PPAT: variants seen among roughly 807,000 people sequenced by gnomAD.
PPAT encodes the protein amidophosphoribosyltransferase.
PPAT carries 20 observed loss-of-function variants against 60.2 expected under a neutral mutation model. That is an observed-to-expected ratio of 0.33 (90% CI 0.23 to 0.48). PPAT has a LOEUF of 0.48. PPAT is among the 20% of genes least tolerant of loss of function. PPAT has a pLI of 0.99. For synonymous variants in PPAT, 194 were observed against 215.1 expected (o/e 0.90, Z 0.86); for missense variants, 349 against 629.6 (o/e 0.55, Z 4.77).
chr4:56,419,723 C>T, intron 1 of PPAT: 1 of 982,210 alleles, frequency 1.0e-6, no homozygotes, highest in Non-Finnish European at 1.2e-6. Context: ...CTCTAATAGA[C>T]ATCTGGTCTG....
chr4:56,395,543 T>G lies in PPAT; in HGVS notation c.1363A>C (p.Asn455His). The G allele has an allele frequency of 6.5e-7, 1 of 1,541,854 alleles. No homozygotes were observed. Among genetic ancestry groups the G allele is most frequent in the Non-Finnish European group, 8.7e-7 (1 of 1,152,162 alleles). ...FDHLAEYLGA[N>H]SVVYLSVEGL... ...TCTACTGACAGATACACAACACTGT[T>G]TGCTCCTAAAGAAAGAGGGAAAAAT... The change falls in exon 11 of 11, where the codon AAC becomes CAC. Residue 455 changes from asparagine to histidine, a missense_variant. Asn to His is a moderately conservative substitution (Grantham distance 68). Around this residue, in one of 5 missense-constraint regions of PPAT, gnomAD observed 167 missense variants for 328.6 expected, o/e 0.51. Coordinates refer to ENST00000264220, the MANE Select transcript of PPAT (RefSeq NM_002703.5).
chr4:56,403,314 C>A lies in PPAT; in HGVS notation c.490G>T (p.Asp164Tyr). 1 of 1,613,794 alleles carries A rather than the reference C, an allele frequency of 6.2e-7. No homozygotes were observed. The highest frequency in any genetic ancestry group is 8.5e-7 in the Non-Finnish European group (1 of 1,179,686). Residue 164 changes from aspartate (D) to tyrosine (Y), a missense_variant, in exon 4 of 11, where the codon GAT becomes TAT. By Grantham distance (160) the Asp-to-Tyr change is radical. Coordinates refer to ENST00000264220, the MANE Select transcript of PPAT (RefSeq NM_002703.5). The part of the protein sequence containing the change: ...LLAYTPPQEQ[D>Y]DTPDWVARIK... Reference sequence around the variant, plus strand: ...CTGGCTACCCAGTCTGGGGTGTCATCTTGTTCCTGAGGAGGGGTATACGCC... The same window carrying A: ...CTGGCTACCCAGTCTGGGGTGTCATATTGTTCCTGAGGAGGGGTATACGCC...
Position 56,406,583 on chromosome 4 carries a change from CA to C in PPAT, c.313del (p.Cys105ValfsTer13). On this transcript the variant is annotated frameshift_variant, in exon 3 of 11. Transcript: ENST00000264220. LOFTEE classifies it high-confidence loss of function. ...ATTGKCELEN[C>X]QPFVVETLHG... ...AAGTGTTTCAACAACGAAGGGCTGA[CA>C]ATTTTCTAGTTCACATTTTCCTGTG... 1 of 1,613,850 alleles carries C rather than the reference CA, an allele frequency of 6.2e-7. No individual in the cohort carries two copies. The highest frequency in any genetic ancestry group is 8.5e-7 in the Non-Finnish European group (1 of 1,179,930).
rs531398079 is a variant in PPAT, at chr4:56,403,546, A to G, written c.403-145T>C. The G allele has an allele frequency of 7.2e-5, 45 of 626,382 alleles. No homozygotes were observed. The African/African-American group carries it at 7.7e-4, about 11-fold the overall frequency. 38.8% of individuals were successfully genotyped at this position (626,382 alleles called of 1,614,324 possible). On this transcript the variant is annotated intron_variant, in intron 3 of 10. Coordinates refer to ENST00000264220, the MANE Select transcript of PPAT (RefSeq NM_002703.5). ...CATCCCACTAATGCAGCAGTCCCCAACCTTTTTGGCACCAGGGACCAGTTT... is the reference window on the plus strand; with the variant it reads ...CATCCCACTAATGCAGCAGTCCCCAGCCTTTTTGGCACCAGGGACCAGTTT...
intron 1 of PPAT, among the ~76,000 whole-genome samples, chr4:56,418,067 G>A (rs1410345691): frequency 1.3e-5 from 2 of 152,072 alleles, no homozygotes; most frequent in Non-Finnish European, 2.9e-5. Context: ...TTGATCTCCT[G>A]ACCTCGTGAT....
chr4:56,418,046 C>A lies in PPAT; in HGVS notation c.129-10330G>T, dbSNP rs189656724. Among the ~76,000 whole-genome samples the A allele has an allele frequency of 2.0e-5, 3 of 152,160 alleles. No individual in the cohort carries two copies. The East Asian group carries it at 5.8e-4, about 30-fold the overall frequency. ...TAAATACAGGGTTTCACCATGTTGG[C>A]CAGGATGGTCTTGATCTCCTGACCT... On this transcript the variant is annotated intron_variant, in intron 1 of 10. Transcript: ENST00000264220.
At chr4:56,416,996 C>G (rs184300730) in intron 1 of PPAT, among the ~76,000 whole-genome samples, 1 of 152,032 alleles carries the variant, frequency 6.6e-6, no homozygotes, top group Admixed American at 6.6e-5. Context: ...ATTACAGGAG[C>G]GCACCATCAC....
intron 1 of PPAT, among the ~76,000 whole-genome samples, chr4:56,413,524 G>A (rs562189873): frequency 3.4e-4 from 52 of 152,248 alleles, no homozygotes; most frequent in African/African-American, 9.6e-4. Flanking sequence ...CCATGATAGC[G>A]TCCCTTCTGT....
At chr4:56,418,986 T>C (rs1716907116) in intron 1 of PPAT, among the ~76,000 whole-genome samples, 1 of 152,236 alleles carries the variant, frequency 6.6e-6, no homozygotes, top group African/African-American at 2.4e-5. Flanking sequence ...CTTTCTGTAA[T>C]TTTCGCAAGG....
chr4:56,431,499 C>A, intron 1 of PPAT: 1 of 979,932 alleles, frequency 1.0e-6, no homozygotes, highest in Non-Finnish European at 1.2e-6. Flanking sequence ...ATAACAGAAC[C>A]AAAAGATTCT....
chr4:56,418,403 T>C (rs1474341497), intron 1 of PPAT, among the ~76,000 whole-genome samples: 1 of 152,138 alleles, frequency 6.6e-6, no homozygotes, highest in South Asian at 2.1e-4. Flanking sequence ...CATTGCAACC[T>C]CCACCTCCCC....
intron 1 of PPAT, among the ~76,000 whole-genome samples, chr4:56,431,095 A>C (rs940168707): frequency 2.0e-5 from 3 of 152,158 alleles, no homozygotes; most frequent in Admixed American, 2.0e-4. Context: ...AACAATTTGC[A>C]AGGACACTTA....
chr4:56,407,387 C>T (rs551650404), intron 2 of PPAT, among the ~76,000 whole-genome samples: 2 of 151,282 alleles, frequency 1.3e-5, no homozygotes, highest in East Asian at 2.0e-4. Context: ...GGCGCAATAT[C>T]AGCTCACCAC....
In PPAT at chr4:56,419,080, A is replaced by G. The variant is rs1716912926; in HGVS notation, c.129-11364T>C. On this transcript the variant is annotated intron_variant, in intron 1 of 10. Transcript: ENST00000264220. ...GTTCTCAACCCTGACTACACATTAG[A>G]TTCACAGTCTGGGGATGAGGGATGA... Among the ~76,000 whole-genome samples the G allele has an allele frequency of 2.6e-5, 4 of 152,348 alleles. No individual in the cohort carries two copies. The South Asian group carries it at 6.2e-4, about 24-fold the overall frequency.
chr4:56,435,269 C>A, intron 1 of PPAT, 81 bp downstream of exon 1: 2 of 1,585,848 alleles, frequency 1.3e-6, no homozygotes, highest in Non-Finnish European at 8.6e-7. Context: ...GGCCCTCGGG[C>A]GCTCATGAGA....
At chr4:56,435,206 C>G in intron 1 of PPAT, 144 bp downstream of exon 1, 1 of 1,239,114 alleles carries the variant, frequency 8.1e-7, no homozygotes, top group Non-Finnish European at 1.1e-6. Flanking sequence ...CTAGGCAACC[C>G]GGTCGACGCC....
chr4:56,410,856 TG>T, intron 1 of PPAT: 7 of 963,124 alleles, frequency 7.3e-6, no homozygotes, highest in Non-Finnish European at 8.5e-6. Flanking sequence ...GGCAGGTACC[TG>T]GAAACGCTCA....
intron 3 of PPAT, 41 bp from the exon 4 acceptor site, chr4:56,403,442 G>C: frequency 6.8e-7 from 1 of 1,464,270 alleles, no homozygotes; most frequent in Non-Finnish European, 9.5e-7. Context: ...CAGAGGGGAA[G>C]CTCCACCCCA....
intron 5 of PPAT, 104 bp downstream of exon 5, chr4:56,402,936 C>T (rs993306963): frequency 1.9e-6 from 2 of 1,060,264 alleles, no homozygotes; most frequent in Non-Finnish European, 2.6e-6. Context: ...ACCTAGCTCC[C>T]TCCCACCCAT....
Sources: allele counts gnomAD v4.1 joint callset (sites outside exome capture counted in the v4.1 genomes callset), GRCh38; gene constraint gnomAD v4.1.1; regional missense constraint gnomAD v4.1.1; transcripts MANE v1.5; gene names NCBI Gene and HGNC (gene_info 2026-07-23, HGNC 2026-07-21).